NBEAL1: variants seen among roughly 807,000 people sequenced by gnomAD.
The protein encoded by NBEAL1 is neurobeachin-like protein 1.
NBEAL1 carries 273 observed loss-of-function variants against 351.3 expected under a neutral mutation model. That is an observed-to-expected ratio of 0.78 (90% CI 0.70 to 0.86). NBEAL1 has a LOEUF of 0.86. Ranked by LOEUF, NBEAL1 falls within the 40% of genes least tolerant of loss-of-function variation. The pLI is 0.00. For synonymous variants in NBEAL1, 1,050 were observed against 1,086.4 expected, an observed-to-expected ratio of 0.97 and a Z score of 0.66; for missense variants, 2,961 against 3,201.3, an observed-to-expected ratio of 0.92 and a Z score of 1.81.
intron 2 of NBEAL1, among the ~76,000 whole-genome samples, chr2:203,017,859 G>A (rs1403837670): frequency 1.3e-5 from 2 of 151,994 alleles, no homozygotes; most frequent in Admixed American, 6.6e-5. Flanking sequence ...CCTTTGAAAT[G>A]TTAATCCTCA....
intron 7 of NBEAL1, among the ~76,000 whole-genome samples, chr2:203,073,662 A>G (rs1022842059): frequency 1.3e-5 from 2 of 152,160 alleles, no homozygotes; most frequent in African/African-American, 4.8e-5. Context: ...TTAAAAAATT[A>G]TATTGATCTT....
chr2:203,166,394 A>G lies in NBEAL1; in HGVS notation c.5863+97A>G, dbSNP rs370457736. The G allele has an allele frequency of 2.9e-5, 34 of 1,156,898 alleles. No homozygotes were observed. In the Middle Eastern group the frequency reaches 7.4e-4, roughly 25 times the overall value. 71.7% of individuals were successfully genotyped at this position (1,156,898 alleles called of 1,614,324 possible). A position where few individuals can be genotyped will look rare whatever the true frequency, so the allele number is the denominator to read the frequency against. ...AAGAAGAAAGCAGTAAGATATAACTATCATGTGAAGGGAGAAATGGAAAGT... is the reference window on the plus strand; with the variant it reads ...AAGAAGAAAGCAGTAAGATATAACTGTCATGTGAAGGGAGAAATGGAAAGT... On this transcript the variant is annotated intron_variant, in intron 37 of 55. Transcript: ENST00000683969.
At position 203,035,651 on chromosome 2, in the gene NBEAL1, A is replaced by G. The variant is rs1191755021; in HGVS notation, c.52-6114A>G. Reference sequence around the variant, plus strand: ...TAGTGCTCTCAACAGCCCATGAGGTAGGAAGTATTATCTTCATTTTACAGA... The same window carrying G: ...TAGTGCTCTCAACAGCCCATGAGGTGGGAAGTATTATCTTCATTTTACAGA... On this transcript the variant is annotated intron_variant, in intron 2 of 55. Coordinates refer to ENST00000683969, the MANE Select transcript of NBEAL1 (RefSeq NM_001378026.1). Among the ~76,000 whole-genome samples the G allele has an allele frequency of 1.3e-5, 2 of 149,186 alleles. 1 individual carries two copies. The highest frequency in any genetic ancestry group is 3.0e-5 in the Non-Finnish European group (2 of 66,530).
chr2:203,062,300 C>G lies in NBEAL1; in HGVS notation c.515+4847C>G, dbSNP rs764879616. ...GTAGAAGCCAAATTCCTGAAGGTTT[C>G]CTGCGTCACATCTCTATAAGAGTTT... On this transcript the variant is annotated intron_variant, in intron 6 of 55. Coordinates refer to ENST00000683969, the MANE Select transcript of NBEAL1 (RefSeq NM_001378026.1). This position sits in a 1 kb window ranked among gnomAD's most constrained non-coding sequence, Gnocchi z 4.2. 2.7e-5 allele frequency: 13 copies of G among 476,436 alleles called. No individual in the cohort carries two copies. Among genetic ancestry groups the G allele is most frequent in the African/African-American group, 2.2e-4 (11 of 50,878 alleles). The allele number at this position is 476,436 out of a possible 1,614,324, so 29.5% of individuals were successfully genotyped here.
intron 2 of NBEAL1, among the ~76,000 whole-genome samples, chr2:203,033,691 G>C (rs1366995291): frequency 1.3e-5 from 2 of 152,100 alleles, no homozygotes; most frequent in African/African-American, 4.8e-5. Flanking sequence ...TTTTCCAATT[G>C]TATCTATTAT....
intron 55 of NBEAL1, among the ~76,000 whole-genome samples, chr2:203,215,716 A>T (rs1181056087): frequency 6.6e-6 from 1 of 151,612 alleles, no homozygotes; most frequent in Admixed American, 6.6e-5. Flanking sequence ...AGTGACCATT[A>T]AAAAAGGTGG....
rs775032997 is a variant in NBEAL1, at chr2:203,197,367, G to A, written c.7104G>A (p.Met2368Ile). The change falls in exon 48 of 56, where the codon ATG becomes ATA. Residue 2368 changes from methionine to isoleucine, a missense_variant. Transcript: ENST00000683969. Reference sequence around the variant, plus strand: ...CCAAAAATCAGTATCGTTCTTTTATGTCTCAAGGCAGCCCTGAGTTACTGG... The same window carrying A: ...CCAAAAATCAGTATCGTTCTTTTATATCTCAAGGCAGCCCTGAGTTACTGG... ...TIPKNQYRSF[M>I]SQGSPELLIT... The A allele has an allele frequency of 1.3e-5, 21 of 1,602,844 alleles. No individual in the cohort carries two copies. Among genetic ancestry groups the A allele is most frequent in the Middle Eastern group, 1.6e-4 (1 of 6,062 alleles).
intron 51 of NBEAL1, among the ~76,000 whole-genome samples, chr2:203,207,943 G>A (rs1194964609): frequency 2.0e-5 from 3 of 152,176 alleles, no homozygotes; most frequent in South Asian, 2.1e-4. Flanking sequence ...AAGACAGTCA[G>A]CATAAAGATA....
At chr2:203,122,598 T>C (rs1240772206) in intron 19 of NBEAL1, among the ~76,000 whole-genome samples, 2 of 152,216 alleles carry the variant, frequency 1.3e-5, no homozygotes, top group African/African-American at 4.8e-5. Context: ...ATAAAGTCAG[T>C]GAGAAAAAAA....
intron 38 of NBEAL1, among the ~76,000 whole-genome samples, chr2:203,167,851 C>G (rs2064184170): frequency 6.6e-6 from 1 of 152,174 alleles, no homozygotes; most frequent in African/African-American, 2.4e-5. Flanking sequence ...CCTCCCCTCT[C>G]TCATTCACTT....
At chr2:203,206,233 A>G (rs72936353) in intron 51 of NBEAL1, among the ~76,000 whole-genome samples, 13,959 of 152,312 alleles carry the variant, frequency 0.092, 757 homozygotes, top group Non-Finnish European at 0.12. Flanking sequence ...GATTAAAACC[A>G]GTACCATTAC....
rs1369724827 is a variant in NBEAL1 at position 203,151,345 on chromosome 2, TA to T, written c.5463-116del. 4 of 688,754 alleles carry T rather than the reference TA, an allele frequency of 5.8e-6. No individual in the cohort carries two copies. In the Admixed American group the frequency reaches 1.5e-4, roughly 26 times the overall value. The allele number at this position is 688,754 out of a possible 1,614,324, so 42.7% of individuals were successfully genotyped here. A position where few individuals can be genotyped will look rare whatever the true frequency, so the allele number is the denominator to read the frequency against. On this transcript the variant is annotated intron_variant, in intron 34 of 55. Coordinates refer to ENST00000683969, the MANE Select transcript of NBEAL1 (RefSeq NM_001378026.1). ...AGACTCTGTCTCTGAAAAATAAAAATAAAATAAAATGGTACTAAACAAATGT... is the reference window on the plus strand; with the variant it reads ...AGACTCTGTCTCTGAAAAATAAAAATAAATAAAATGGTACTAAACAAATGT...
At chr2:203,150,361 G>A (rs2063617172) in intron 34 of NBEAL1, among the ~76,000 whole-genome samples, 1 of 152,020 alleles carries the variant, frequency 6.6e-6, no homozygotes, top group South Asian at 2.1e-4. Flanking sequence ...CTTCTTTGAA[G>A]AAATGTCTGC....
intron 2 of NBEAL1, among the ~76,000 whole-genome samples, chr2:203,027,681 T>G (rs2060881603): frequency 6.6e-6 from 1 of 152,186 alleles, no homozygotes; most frequent in Non-Finnish European, 1.5e-5. Flanking sequence ...TGAATGAACT[T>G]TATTTTATGG....
At chr2:203,200,577 C>T (rs1387567114) in intron 49 of NBEAL1, among the ~76,000 whole-genome samples, 1 of 151,406 alleles carries the variant, frequency 6.6e-6, no homozygotes, top group Non-Finnish European at 1.5e-5. Flanking sequence ...ACCTGTAATC[C>T]AAGCTACTCG....
chr2:203,155,711 G>A (rs142881400), intron 35 of NBEAL1, among the ~76,000 whole-genome samples: 106 of 152,304 alleles, frequency 7.0e-4, no homozygotes, highest in Non-Finnish European at 1.3e-3. Flanking sequence ...GCCTCCCAGA[G>A]TGCTGGGATT....
At position 203,041,771 on chromosome 2, in the gene NBEAL1, C is replaced by A. The variant is rs2061145753; in HGVS notation, c.58C>A (p.Pro20Thr). The change falls in exon 3 of 56, where the codon CCA becomes ACA. Residue 20 changes from proline (P) to threonine (T), a missense_variant. Physicochemically the swap from Pro to Thr is conservative, Grantham distance 38 (BLOSUM62 -1). Transcript: ENST00000683969. ...LWMLYCTKKD[P>T]DYLKLWLDTF... ...AATGGTTTTGTTATTTCAGAAAGAT[C>A]CAGATTACCTGAAGCTGTGGTTGGA... 6.4e-7 allele frequency: 1 copy of A among 1,551,064 alleles called. No homozygotes were observed. The highest frequency in any genetic ancestry group is 1.4e-5 in the African/African-American group (1 of 73,134).
chr2:203,180,296 A>G, intron 42 of NBEAL1, 86 bp from the exon 43 acceptor site: 2 of 1,218,924 alleles, frequency 1.6e-6, no homozygotes, highest in Non-Finnish European at 2.3e-6. Flanking sequence ...ATCATTAGGA[A>G]CCCTGAAGGG....
chr2:203,207,271 C>G lies in NBEAL1; in HGVS notation c.7507-1366C>G, dbSNP rs1183216641. Among the ~76,000 whole-genome samples the G allele has an allele frequency of 4.2e-4, 63 of 151,650 alleles. 1 individual carries two copies. Among genetic ancestry groups the G allele is most frequent in the Non-Finnish European group, 8.4e-4 (57 of 67,810 alleles). On this transcript the variant is annotated intron_variant, in intron 51 of 55. Coordinates refer to ENST00000683969, the MANE Select transcript of NBEAL1 (RefSeq NM_001378026.1). ...AGAGCATCTCCGCCCGGCAGCCACC[C>G]CGTCCAGGAGGGAGGTGGGGGGGTC...
Sources: gnomAD v4.1 joint callset for allele counts (sites outside exome capture counted in the v4.1 genomes callset) on GRCh38, gnomAD v4.1.1 for gene constraint, Gnocchi (gnomAD v3.1) non-coding constraint, MANE v1.5 for transcripts, NCBI Gene and HGNC (gene_info 2026-07-23, HGNC 2026-07-21) for gene names.